ZNF345: variants seen among roughly 807,000 people sequenced by gnomAD.
The protein encoded by ZNF345 is zinc finger protein HZF10.
For synonymous variants in ZNF345, 166 were observed against 187.9 expected, an observed-to-expected ratio of 0.88 and a Z score of 0.95; for missense variants, 527 against 589.9, an observed-to-expected ratio of 0.89 and a Z score of 1.10.
intron 2 of ZNF345, among the ~76,000 whole-genome samples, chr19:36,869,604 A>G (rs753998917): frequency 2.0e-5 from 3 of 152,098 alleles, no homozygotes; most frequent in Non-Finnish European, 4.4e-5. Flanking sequence ...ATTAGCATAA[A>G]CTCAGGTGTG....
Position 36,877,869 on chromosome 19 carries a change from T to C in ZNF345, c.1039T>C (p.Cys347Arg), listed in dbSNP as rs1414150055. Residue 347 changes from cysteine (C) to arginine (R), a missense_variant, in exon 3 of 3, where the codon TGT becomes CGT. By Grantham distance (180) the Cys-to-Arg change is radical. Coordinates refer to ENST00000420450, the MANE Select transcript of ZNF345 (RefSeq NM_001242472.2). Reference protein sequence around the residue: ...TGEKPYECKECGKTFSSGSDL... With the variant: ...TGEKPYECKERGKTFSSGSDL... ...AGAGAAACCTTATGAATGTAAGGAA[T>C]GTGGGAAGACCTTTAGTAGTGGTTC... The C allele has an allele frequency of 6.2e-7, 1 of 1,614,052 alleles. No homozygotes were observed. Among genetic ancestry groups the C allele is most frequent in the South Asian group, 1.1e-5 (1 of 91,082 alleles).
At chr19:36,887,877 C>A (rs192478081) in intron 3 of ZNF345, among the ~76,000 whole-genome samples, 3 of 152,218 alleles carry the variant, frequency 2.0e-5, no homozygotes, top group Admixed American at 1.3e-4. Context: ...AATTTAAATT[C>A]TTGGATGACT....
intron 2 of ZNF345, among the ~76,000 whole-genome samples, chr19:36,862,663 CAA>C (rs753670661): frequency 0.027 from 1,083 of 39,868 alleles, 13 homozygotes; most frequent in African/African-American, 0.083. Context: ...GACCCAGTCT[CAA>C]AAAAAAAAAA....
At chr19:36,874,142 T>A (rs1165460256) in intron 2 of ZNF345, among the ~76,000 whole-genome samples, 1 of 152,250 alleles carries the variant, frequency 6.6e-6, no homozygotes, top group Admixed American at 6.5e-5. Context: ...TGGGCTTTCC[T>A]TACTTTTAGT....
At chr19:36,861,949 C>A (rs1043682892) in intron 2 of ZNF345, among the ~76,000 whole-genome samples, 2 of 151,650 alleles carry the variant, frequency 1.3e-5, no homozygotes, top group Non-Finnish European at 2.9e-5. Context: ...GTAACCTCTG[C>A]CTCCCTGTTC....
rs776805122 is a variant in ZNF345 at position 36,877,446 on chromosome 19, G to C, written c.616G>C (p.Asp206His). Residue 206 changes from aspartate to histidine, a missense_variant, in exon 3 of 3, where the codon GAT (aspartate) becomes CAT (histidine). Asp to His is a moderately conservative substitution (Grantham distance 81). Coordinates refer to ENST00000420450, the MANE Select transcript of ZNF345 (RefSeq NM_001242472.2). ...AGGTGAGAAACCTTATGAATGTATA[G>C]ATTGTGGTAAAGCCTTTGGCAGTGG... ...HTGEKPYECIDCGKAFGSGSN... is the reference protein window; with the variant it reads ...HTGEKPYECIHCGKAFGSGSN... The C allele has an allele frequency of 4.3e-6, 7 of 1,614,132 alleles. No individual in the cohort carries two copies. The South Asian group carries it at 6.6e-5, about 15-fold the overall frequency.
intron 1 of ZNF345, 180 bp downstream of exon 1, chr19:36,851,148 C>T (rs900432040): frequency 2.0e-5 from 3 of 152,630 alleles, no homozygotes; most frequent in East Asian, 1.9e-4. Context: ...TATGTTTGTG[C>T]GGGTGTGAGT....
At chr19:36,887,405 A>G (rs1190769120) in intron 3 of ZNF345, among the ~76,000 whole-genome samples, 1 of 152,232 alleles carries the variant, frequency 6.6e-6, no homozygotes, top group East Asian at 1.9e-4. Context: ...TAACAAATGT[A>G]CCATATAATG....
downstream of ZNF345, among the ~76,000 whole-genome samples, chr19:36,883,171 T>C (rs1457668429): frequency 6.6e-6 from 1 of 152,234 alleles, no homozygotes; most frequent in African/African-American, 2.4e-5. Context: ...TGTATTTTAA[T>C]TGGAGAACAC....
At chr19:36,885,726 A>T (rs1185015895) in intron 3 of ZNF345, among the ~76,000 whole-genome samples, 2 of 152,188 alleles carry the variant, frequency 1.3e-5, no homozygotes, top group African/African-American at 4.8e-5. Context: ...GTGAAAGGAT[A>T]CATATTTCAA....
chr19:36,873,065 T>G (rs1002744349), intron 2 of ZNF345, among the ~76,000 whole-genome samples: 3 of 152,210 alleles, frequency 2.0e-5, no homozygotes, highest in Non-Finnish European at 4.4e-5. Context: ...TTCTGTATCT[T>G]TTTTGTATGG....
At position 36,892,760 on chromosome 19, in the gene ZNF345, T is replaced by G. The variant is rs544267732; in HGVS notation, c.47-58T>G. The stretch of plus-strand genomic sequence containing the variant: ...GAATACACAGTGTTCAGCACCATCC[T>G]CCATATTATAGAGAGATTCTAATTA... On this transcript the variant is annotated intron_variant, in intron 3 of 3. Coordinates refer to the ZNF345 transcript ENST00000526123. The G allele has an allele frequency of 1.4e-5, 7 of 487,102 alleles. No homozygotes were observed. The East Asian group carries it at 2.3e-4, about 16-fold the overall frequency. The allele number at this position is 487,102 out of a possible 1,614,324, so 30.2% of individuals were successfully genotyped here.
rs755090863 is a variant in ZNF345 at position 36,877,891 on chromosome 19, G to A, written c.1061G>A (p.Gly354Asp). 2.6e-5 allele frequency: 42 copies of A among 1,613,884 alleles called. No homozygotes were observed. The highest frequency in any genetic ancestry group is 3.3e-5 in the Admixed American group (2 of 59,990). ...CKECGKTFSSGSDLTQHHRIH... is the reference protein window; with the variant it reads ...CKECGKTFSSDSDLTQHHRIH... ...GAATGTGGGAAGACCTTTAGTAGTG[G>A]TTCAGACCTTACTCAACATCACAGA... Residue 354 changes from glycine to aspartate, a missense_variant, in exon 3 of 3, where the codon GGT becomes GAT. By Grantham distance (94) the Gly-to-Asp change is moderately conservative. Coordinates refer to ENST00000420450, the MANE Select transcript of ZNF345 (RefSeq NM_001242472.2).
At chr19:36,868,873 C>T (rs1456800327) in intron 2 of ZNF345, among the ~76,000 whole-genome samples, 1 of 152,106 alleles carries the variant, frequency 6.6e-6, no homozygotes, top group East Asian at 1.9e-4. Flanking sequence ...ATCCACCCGC[C>T]TCAGCCTCCC....
exon 4 of ZNF345, chr19:36,892,945 G>C (rs954899718): frequency 8.6e-6 from 6 of 697,896 alleles, no homozygotes; most frequent in Non-Finnish European, 1.2e-5. Context: ...AGGAGGACAG[G>C]CCAGCAGGAT....
At chr19:36,872,464 A>G (rs1219098891) in intron 2 of ZNF345, 1 of 152,304 alleles carries the variant, frequency 6.6e-6, no homozygotes, top group Non-Finnish European at 1.5e-5. Flanking sequence ...TACTTCCCAA[A>G]AGAGCTGGTT....
chr19:36,870,990 T>C (rs2072759787), intron 2 of ZNF345, among the ~76,000 whole-genome samples: 1 of 152,228 alleles, frequency 6.6e-6, no homozygotes, highest in Non-Finnish European at 1.5e-5. Flanking sequence ...CCCATTTTCT[T>C]CCTCTGTTTG....
At position 36,877,908 on chromosome 19, in the gene ZNF345, C is replaced by T; in HGVS notation, c.1078C>T (p.His360Tyr). 1.9e-6 allele frequency: 3 copies of T among 1,614,088 alleles called. No homozygotes were observed. Among genetic ancestry groups the T allele is most frequent in the Non-Finnish European group, 1.7e-6 (2 of 1,179,998 alleles). ...TAGTAGTGGTTCAGACCTTACTCAA[C>T]ATCACAGAATTCATACTGGTGAGAA... ...TFSSGSDLTQ[H>Y]HRIHTGEKPY... is the part of the protein sequence containing the mutation. Residue 360 changes from histidine (H) to tyrosine (Y), a missense_variant, in exon 3 of 3, where the codon CAT becomes TAT. By Grantham distance (83) the His-to-Tyr change is moderately conservative. Transcript: ENST00000420450.
intron 3 of ZNF345, chr19:36,889,689 G>A (rs555834378): frequency 1.8e-4 from 27 of 152,136 alleles, no homozygotes; most frequent in African/African-American, 5.8e-4. Flanking sequence ...CTAGCTAGTG[G>A]TCTGTCAGTT....
Sources: allele counts gnomAD v4.1 joint callset (sites outside exome capture counted in the v4.1 genomes callset), GRCh38; gene constraint gnomAD v4.1.1; transcripts MANE v1.5; gene names NCBI Gene and HGNC (gene_info 2026-07-23, HGNC 2026-07-21).